Variants in NTRK2 observed in about 807,000 individuals in gnomAD.
NTRK2 encodes the protein neurotrophic receptor tyrosine kinase 2.
Under a neutral mutation model 94.5 loss-of-function variants are expected in NTRK2, and 13 were observed. That is an observed-to-expected ratio of 0.14 (90% CI 0.09 to 0.22). The LOEUF (loss-of-function observed/expected upper bound fraction) is 0.22. Among genes scored for constraint, NTRK2 ranks in the 10% least tolerant of loss-of-function variants. The pLI, the probability that NTRK2 is intolerant of heterozygous loss-of-function variation, is 1.00. For missense variants in NTRK2, 639 were observed against 1,071.2 expected (o/e 0.60, Z 5.63); for synonymous variants, 372 against 407.4 (o/e 0.91, Z 1.05).
rs118127091 is a variant in NTRK2 at position 85,023,810 on chromosome 9, C to T, written c.*2373C>T. 3.6e-3 allele frequency: 831 copies of T among 229,486 alleles called. 14 individuals carry two copies. The East Asian group carries it at 0.045, about 13-fold the overall frequency. 14.2% of individuals were successfully genotyped at this position (229,486 alleles called of 1,614,324 possible). On this transcript the variant is annotated 3_prime_UTR_variant, in exon 19 of 19. Transcript: ENST00000277120. ...AGCAAAAACCAACACAGGTTTGTCA[C>T]GCTGCATGTCTGGCCAGCTAATCTC...
chr9:84,686,338 T>C (rs148552342), intron 2 of NTRK2, among the ~76,000 whole-genome samples: 93 of 152,238 alleles, frequency 6.1e-4, no homozygotes, highest in African/African-American at 2.2e-3. Flanking sequence ...TGAAGAGAGA[T>C]GCAGAGCACA....
Position 85,004,035 on chromosome 9 carries a change from GAGAA to G in NTRK2, c.2173-16164_2173-16161del, listed in dbSNP as rs796968021. On this transcript the variant is annotated intron_variant, in intron 17 of 18. Coordinates refer to ENST00000277120, the MANE Select transcript of NTRK2 (RefSeq NM_006180.6). ...AAAGAAAGAGAGAAAGAAAGAAAGA[GAGAA>G]AGAAAGGGAGAAAGAGAAAGAAAGG... Among the ~76,000 whole-genome samples the G allele has an allele frequency of 1.1e-3, 79 of 69,438 alleles. 4 individuals are homozygous for G. Among genetic ancestry groups the G allele is most frequent in the African/African-American group, 5.3e-3 (74 of 14,076 alleles). 45.6% of individuals were successfully genotyped at this position (69,438 alleles called of 152,430 possible).
At chr9:84,943,450 G>T (rs911259419) in intron 15 of NTRK2, among the ~76,000 whole-genome samples, 2 of 152,050 alleles carry the variant, frequency 1.3e-5, no homozygotes, top group Non-Finnish European at 2.9e-5. Context: ...GAATCAATAT[G>T]TACTCCAGGC....
intron 6 of NTRK2, among the ~76,000 whole-genome samples, chr9:84,718,458 G>T (rs893543694): frequency 1.3e-5 from 2 of 152,106 alleles, no homozygotes; most frequent in Non-Finnish European, 2.9e-5. Flanking sequence ...GGAAGCTTTG[G>T]TGTAAAGAAA....
chr9:84,787,103 G>A (rs1008738915), intron 12 of NTRK2, among the ~76,000 whole-genome samples: 1 of 151,998 alleles, frequency 6.6e-6, no homozygotes, highest in African/African-American at 2.4e-5. Flanking sequence ...TTCAAGATCA[G>A]CCTGACCAAC....
chr9:84,754,684 T>G (rs2064924113), intron 12 of NTRK2, among the ~76,000 whole-genome samples: 1 of 152,210 alleles, frequency 6.6e-6, no homozygotes, highest in African/African-American at 2.4e-5. Flanking sequence ...TGGCCAGGAC[T>G]AGGCACCATG....
At chr9:84,700,738 T>C (rs2060668807) in intron 2 of NTRK2, among the ~76,000 whole-genome samples, 3 of 152,254 alleles carry the variant, frequency 2.0e-5, no homozygotes, top group African/African-American at 7.2e-5. Flanking sequence ...AATATTTTTT[T>C]CATTTTAACT....
At chr9:84,867,901 T>G (rs2075669154) in intron 14 of NTRK2, among the ~76,000 whole-genome samples, 1 of 152,210 alleles carries the variant, frequency 6.6e-6, no homozygotes, top group Non-Finnish European at 1.5e-5. Flanking sequence ...CCTGTATTCT[T>G]TGCTCAGTCC....
chr9:84,732,888 C>T (rs1013002270), intron 9 of NTRK2, among the ~76,000 whole-genome samples: 4 of 152,160 alleles, frequency 2.6e-5, no homozygotes, highest in African/African-American at 9.7e-5. Context: ...ACAAATGTGC[C>T]TCTGCTCCAG....
intron 11 of NTRK2, 90 bp from the exon 12 acceptor site, chr9:84,751,896 G>T: frequency 2.0e-6 from 2 of 979,854 alleles, no homozygotes; most frequent in Non-Finnish European, 3.3e-6. Flanking sequence ...TGAACTGCCT[G>T]TATCATTATC....
At chr9:84,697,249 G>T (rs757858580) in intron 2 of NTRK2, among the ~76,000 whole-genome samples, 1 of 152,154 alleles carries the variant, frequency 6.6e-6, no homozygotes, top group Non-Finnish European at 1.5e-5. Flanking sequence ...TGAAAACTCC[G>T]TGGACCTCGT....
At chr9:84,882,243 G>T (rs76669694) in intron 14 of NTRK2, among the ~76,000 whole-genome samples, 2 of 152,110 alleles carry the variant, frequency 1.3e-5, no homozygotes, top group African/African-American at 2.4e-5. Context: ...GGCAGTTTAC[G>T]TTGGAAATGC....
At chr9:84,710,849 G>A in intron 6 of NTRK2, 58 bp downstream of exon 6, 1 of 1,577,580 alleles carries the variant, frequency 6.3e-7, no homozygotes, top group South Asian at 1.1e-5. Context: ...CATTGCCTTG[G>A]TGCGGTAGTC....
intron 11 of NTRK2, among the ~76,000 whole-genome samples, chr9:84,750,889 G>A (rs1175918071): frequency 6.6e-6 from 1 of 152,220 alleles, no homozygotes; most frequent in Non-Finnish European, 1.5e-5. Flanking sequence ...AGCAGCAATG[G>A]TAGCAGAGTG....
chr9:84,875,511 A>G (rs2076029667), intron 14 of NTRK2: 1 of 1,063,474 alleles, frequency 9.4e-7, no homozygotes, highest in East Asian at 5.0e-5. Flanking sequence ...ACTGAAGCAG[A>G]TGATCACTTT....
chr9:84,782,676 A>G (rs940665752), intron 12 of NTRK2, among the ~76,000 whole-genome samples: 25 of 152,108 alleles, frequency 1.6e-4, no homozygotes, highest in African/African-American at 5.8e-4. Context: ...GATAAATACC[A>G]TTGTACTTGT....
intron 11 of NTRK2, among the ~76,000 whole-genome samples, chr9:84,749,588 AG>A (rs1223256865): frequency 6.6e-6 from 1 of 151,662 alleles, no homozygotes; most frequent in Admixed American, 6.6e-5. Flanking sequence ...TGTAAATCTT[AG>A]TTTTTTCATC....
At chr9:84,817,610 A>G (rs2072511024) in intron 12 of NTRK2, among the ~76,000 whole-genome samples, 1 of 152,212 alleles carries the variant, frequency 6.6e-6, no homozygotes. Context: ...ATTTCTTTTT[A>G]TCATTTCAAC....
intron 17 of NTRK2, among the ~76,000 whole-genome samples, chr9:84,981,536 T>A (rs568418234): frequency 6.6e-6 from 1 of 152,334 alleles, no homozygotes; most frequent in South Asian, 2.1e-4. Context: ...AATCTTTTTT[T>A]AATTTTGTTT....
Sources: gnomAD v4.1 joint callset for allele counts (sites outside exome capture counted in the v4.1 genomes callset) on GRCh38, gnomAD v4.1.1 for gene constraint, MANE v1.5 for transcripts, NCBI Gene and HGNC (gene_info 2026-07-23, HGNC 2026-07-21) for gene names.